Variants in PSME1 observed in about 807,000 individuals in gnomAD.
The protein encoded by PSME1 is proteasome activator complex subunit 1.
PSME1 carries 15 observed loss-of-function variants against 38.4 expected under a neutral mutation model. That is an observed-to-expected ratio of 0.39 (90% confidence interval 0.26 to 0.60). PSME1 has a LOEUF of 0.60. Among genes scored for constraint, PSME1 ranks in the 20% least tolerant of loss-of-function variants. The pLI, the probability that PSME1 is intolerant of heterozygous loss-of-function variation, is 0.53. For synonymous variants in PSME1, 106 were observed against 106.8 expected, an observed-to-expected ratio of 0.99 and a Z score of 0.05; for missense variants, 249 against 305.6, an observed-to-expected ratio of 0.81 and a Z score of 1.38.
rs2037907814 is a variant in PSME1 at position 24,136,696 on chromosome 14, A to G, written c.40-289A>G. ...TCACACCTGCCAGGCGACCCCAGAG[A>G]TCTGTTCTCACGTGAACACTGGCCC... On this transcript the variant is annotated intron_variant, in intron 1 of 10. Coordinates refer to ENST00000206451, the MANE Select transcript of PSME1 (RefSeq NM_006263.4). The surrounding 1 kb of genome is among the most constrained non-coding windows in gnomAD (Gnocchi z 4.8). 6.6e-6 allele frequency among the ~76,000 whole-genome samples: 1 copy of G among 151,838 alleles called. No homozygotes were observed. The highest frequency in any genetic ancestry group is 1.5e-5 in the Non-Finnish European group (1 of 67,922).
Position 24,137,028 on chromosome 14 carries a change from C to T in PSME1, c.72+11C>T, listed in dbSNP as rs768386364. 101 of 1,614,024 alleles carry T rather than the reference C, an allele frequency of 6.3e-5. No individual in the cohort carries two copies. The highest frequency in any genetic ancestry group is 8.3e-5 in the Non-Finnish European group (98 of 1,180,016). On this transcript the variant is annotated intron_variant, in intron 2 of 10. Coordinates refer to ENST00000206451, the MANE Select transcript of PSME1 (RefSeq NM_006263.4). ...GACCTCTGTACCAAGGTAAGACATG[C>T]CCCATCAGCGTGGCCCCACCCCTGC...
chr14:24,137,010 G>A lies in PSME1; in HGVS notation c.65G>A (p.Cys22Tyr), dbSNP rs755462497. Residue 22 changes from cysteine to tyrosine, a missense_variant, in exon 2 of 11, where the codon TGT becomes TAT. Cys to Tyr is a radical substitution (Grantham distance 194). Transcript: ENST00000206451. ...AKVDVFREDLCTKTENLLGSY... is the reference protein window; with the variant it reads ...AKVDVFREDLYTKTENLLGSY... ...GTGGATGTGTTTCGTGAAGACCTCTGTACCAAGGTAAGACATGCCCCATCA... is the reference window on the plus strand; with the variant it reads ...GTGGATGTGTTTCGTGAAGACCTCTATACCAAGGTAAGACATGCCCCATCA... 1.2e-5 allele frequency: 19 copies of A among 1,614,150 alleles called. No individual in the cohort carries two copies. The highest frequency in any genetic ancestry group is 1.2e-5 in the Non-Finnish European group (14 of 1,180,012).
chr14:24,137,808 C>T lies in PSME1; in HGVS notation c.390+11C>T. 1 of 1,611,746 alleles carries T rather than the reference C, an allele frequency of 6.2e-7. No individual in the cohort carries two copies. The highest frequency in any genetic ancestry group is 8.5e-7 in the Non-Finnish European group (1 of 1,177,830). ...GAGCAGCTCAACCTGGTAAGCCCTC[C>T]CCCTTAAACTCTCAGGCTTCAAGTC... On this transcript the variant is annotated intron_variant, in intron 6 of 10. Transcript: ENST00000206451.
At position 24,136,930 on chromosome 14, in the gene PSME1, C is replaced by T; in HGVS notation, c.40-55C>T. 2 of 1,610,924 alleles carry T rather than the reference C, an allele frequency of 1.2e-6. No homozygotes were observed. Among genetic ancestry groups the T allele is most frequent in the East Asian group, 2.2e-5 (1 of 44,870 alleles). ...CCTACATAACCCTAAGGGAACTGTC[C>T]TCAAATGAACTGGCCTTAAAGCCAA... On this transcript the variant is annotated intron_variant, in intron 1 of 10. Coordinates refer to ENST00000206451, the MANE Select transcript of PSME1 (RefSeq NM_006263.4). This position sits in a 1 kb window ranked among gnomAD's most constrained non-coding sequence, Gnocchi z 4.8.
chr14:24,136,971 C>T lies in PSME1; in HGVS notation c.40-14C>T, dbSNP rs776435873. ...TTAAAGCCAAGTTTCTGAAGGGATG[C>T]GTGTGCCCCACAGGTGGATGTGTTT... is the stretch of plus-strand genomic sequence containing the variant. On this transcript the variant is annotated splice_polypyrimidine_tract_variant and intron_variant, in intron 1 of 10. Transcript: ENST00000206451. This position sits in a 1 kb window ranked among gnomAD's most constrained non-coding sequence, Gnocchi z 4.8. 1.1e-5 allele frequency: 17 copies of T among 1,614,142 alleles called. No individual in the cohort carries two copies. Among genetic ancestry groups the T allele is most frequent in the South Asian group, 5.5e-5 (5 of 91,080 alleles).
chr14:24,137,021 A>G lies in PSME1; in HGVS notation c.72+4A>G, dbSNP rs2037914628. Reference sequence around the variant, plus strand: ...TCGTGAAGACCTCTGTACCAAGGTAAGACATGCCCCATCAGCGTGGCCCCA... The same window carrying G: ...TCGTGAAGACCTCTGTACCAAGGTAGGACATGCCCCATCAGCGTGGCCCCA... On this transcript the variant is annotated splice_donor_region_variant and intron_variant, in intron 2 of 10. Coordinates refer to ENST00000206451, the MANE Select transcript of PSME1 (RefSeq NM_006263.4). The G allele has an allele frequency of 6.2e-7, 1 of 1,614,166 alleles. No individual in the cohort carries two copies.
In PSME1 at chr14:24,137,245, G is replaced by A. The variant is rs1393314281; in HGVS notation, c.135+40G>A. On this transcript the variant is annotated intron_variant, in intron 3 of 10. Transcript: ENST00000206451. ...CAGGGAGCTAGGGAGTAAAGGCCAAGAGAAGAGTCTGGAGGCTGTGAGAGT... is the reference window on the plus strand; with the variant it reads ...CAGGGAGCTAGGGAGTAAAGGCCAAAAGAAGAGTCTGGAGGCTGTGAGAGT... 2.5e-6 allele frequency: 4 copies of A among 1,612,030 alleles called. No individual in the cohort carries two copies. In the East Asian group the frequency reaches 8.9e-5, roughly 36 times the overall value.
In PSME1 at chr14:24,137,150, A is replaced by G. The variant is rs1252958897; in HGVS notation, c.80A>G (p.Asn27Ser). 3.1e-6 allele frequency: 5 copies of G among 1,613,992 alleles called. No individual in the cohort carries two copies. Among genetic ancestry groups the G allele is most frequent in the Admixed American group, 1.7e-5 (1 of 59,996 alleles). ...FREDLCTKTE[N>S]LLGSYFPKKI... ...CCCCCACCTCACACACAGACAGAGA[A>G]CCTGCTCGGGAGCTATTTCCCCAAG... The change falls in exon 3 of 11, where the codon AAC (asparagine) becomes AGC (serine). Residue 27 changes from asparagine (N) to serine (S), a missense_variant. Asn to Ser is a conservative substitution (Grantham distance 46, BLOSUM62 1). Transcript: ENST00000206451.
In PSME1 at chr14:24,138,855, C is replaced by A. The variant is rs770225004; in HGVS notation, c.*39C>A. On this transcript the variant is annotated 3_prime_UTR_variant, in exon 11 of 11. Coordinates refer to ENST00000206451, the MANE Select transcript of PSME1 (RefSeq NM_006263.4). ...CATTCTGTGATGAGTACAGCAGAGA[C>A]CTTCCTGCTTTTTACTGGGGACTCC... is the stretch of plus-strand genomic sequence containing the variant. 2 of 1,600,158 alleles carry A rather than the reference C, an allele frequency of 1.2e-6. No individual in the cohort carries two copies. The highest frequency in any genetic ancestry group is 1.7e-6 in the Non-Finnish European group (2 of 1,170,490).
In PSME1 at chr14:24,137,510, CT is replaced by C; in HGVS notation, c.247-7del. The C allele has an allele frequency of 6.2e-7, 1 of 1,613,808 alleles. No individual in the cohort carries two copies. Among genetic ancestry groups the C allele is most frequent in the Non-Finnish European group, 8.5e-7 (1 of 1,180,034 alleles). ...AGTCCTGACTCTCATGAGCTCCTCT[CT>C]TTCTGCAGAAGGAAGACAAGGATGA... On this transcript the variant is annotated splice_polypyrimidine_tract_variant and intron_variant, in intron 4 of 10. Coordinates refer to ENST00000206451, the MANE Select transcript of PSME1 (RefSeq NM_006263.4).
Position 24,137,433 on chromosome 14 carries a change from C to T in PSME1, c.246+2C>T. ...GAGGAGCGGAAGAAACAGCAGGAGG[C>T]AAGCTGGGAAGACCTGGGAGAAGGG... On this transcript the variant is annotated splice_donor_variant, in intron 4 of 10. Coordinates refer to ENST00000206451, the MANE Select transcript of PSME1 (RefSeq NM_006263.4). LOFTEE classifies it low-confidence loss of function (GC_TO_GT_DONOR). 1 of 1,614,114 alleles carries T rather than the reference C, an allele frequency of 6.2e-7. No homozygotes were observed. The highest frequency in any genetic ancestry group is 8.5e-7 in the Non-Finnish European group (1 of 1,179,976).
rs369790001 is a variant in PSME1, at chr14:24,136,329, C to A, written c.39+28C>A. 3 of 1,506,730 alleles carry A rather than the reference C, an allele frequency of 2.0e-6. No homozygotes were observed. The African/African-American group carries it at 4.4e-5, about 22-fold the overall frequency. The allele number at this position is 1,506,730 out of a possible 1,614,324, so 93.3% of individuals were successfully genotyped here. On this transcript the variant is annotated intron_variant, in intron 1 of 10. Coordinates refer to ENST00000206451, the MANE Select transcript of PSME1 (RefSeq NM_006263.4). This position sits in a 1 kb window ranked among gnomAD's most constrained non-coding sequence, Gnocchi z 4.8. ...GAGCGCCGCGGGGTCTAGAAAGGGC[C>A]CACTGGGGAGGCGTGGCTGGAGCGG...
rs144096780 is a variant in PSME1, at chr14:24,137,415, G to A, written c.230G>A (p.Arg77Gln). 16 of 1,614,032 alleles carry A rather than the reference G, an allele frequency of 9.9e-6. No homozygotes were observed. The highest frequency in any genetic ancestry group is 9.3e-5 in the African/African-American group (7 of 74,900). The change falls in exon 4 of 11, where the codon CGG becomes CAG. Residue 77 changes from arginine to glutamine, a missense_variant. Transcript: ENST00000206451. Reference protein sequence around the residue: ...DPVKEKEKEERKKQQEKEDKD... With the variant: ...DPVKEKEKEEQKKQQEKEDKD... Reference sequence around the variant, plus strand: ...GTCAAGGAGAAAGAGAAAGAGGAGCGGAAGAAACAGCAGGAGGCAAGCTGG... The same window carrying A: ...GTCAAGGAGAAAGAGAAAGAGGAGCAGAAGAAACAGCAGGAGGCAAGCTGG...
In PSME1 at chr14:24,138,056, C is replaced by G; in HGVS notation, c.398C>G (p.Thr133Ser). 6.2e-7 allele frequency: 1 copy of G among 1,614,222 alleles called. No homozygotes were observed. The part of the protein sequence containing the change: ...DVIEQLNLVT[T>S]WLQLQIPRIE... The stretch of plus-strand genomic sequence containing the variant: ...GCCATTCCCTCTTCCCAGGTCACCA[C>G]CTGGTTGCAGCTGCAGATACCTCGG... The change falls in exon 7 of 11, where the codon ACC becomes AGC. Residue 133 changes from threonine (T) to serine (S), a missense_variant. By Grantham distance (58) the Thr-to-Ser change is moderately conservative. Coordinates refer to ENST00000206451, the MANE Select transcript of PSME1 (RefSeq NM_006263.4).
At chr14:24,137,461 C>T in intron 4 of PSME1, 30 bp downstream of exon 4, 1 of 1,613,848 alleles carries the variant, frequency 6.2e-7, no homozygotes, top group East Asian at 2.2e-5. Flanking sequence ...GAGAAGGGAT[C>T]CAACTATGGG....
At chr14:24,137,231 G>A in intron 3 of PSME1, 26 bp downstream of exon 3, 1 of 1,613,154 alleles carries the variant, frequency 6.2e-7, no homozygotes. Context: ...AGGGAGCTAG[G>A]GAGTAAAGGC....
chr14:24,138,511 C>T lies in PSME1; in HGVS notation c.620C>T (p.Ala207Val). The T allele has an allele frequency of 6.2e-7, 1 of 1,614,016 alleles. No individual in the cohort carries two copies. Among genetic ancestry groups the T allele is most frequent in the East Asian group, 2.2e-5 (1 of 44,886 alleles). Reference protein sequence around the residue: ...YRQLVHELDEAEYRDIRLMVM... With the variant: ...YRQLVHELDEVEYRDIRLMVM... Reference sequence around the variant, plus strand: ...CAGCTGGTGCACGAGCTGGATGAGGCAGAGTACCGGGACATCCGGCTGATG... The same window carrying T: ...CAGCTGGTGCACGAGCTGGATGAGGTAGAGTACCGGGACATCCGGCTGATG... The change falls in exon 10 of 11, where the codon GCA (alanine) becomes GTA (valine). Residue 207 changes from alanine to valine, a missense_variant. Ala to Val is a moderately conservative substitution (Grantham distance 64). Transcript: ENST00000206451.
rs2037955011 is a variant in PSME1, at chr14:24,138,397, G to A, written c.580G>A (p.Val194Met). 2 of 1,614,190 alleles carry A rather than the reference G, an allele frequency of 1.2e-6. No homozygotes were observed. The part of the protein sequence containing the change: ...AVTKAAKQPH[V>M]GDYRQLVHEL... ...GACTAAAGCAGCCAAGCAGCCCCAT[G>A]TGGTAGGTGAGGCCCAGGTCAGGGT... The change falls in exon 9 of 11, where the codon GTG (valine) becomes ATG (methionine). Residue 194 changes from valine (V) to methionine (M), a missense_variant and splice_region_variant. Coordinates refer to ENST00000206451, the MANE Select transcript of PSME1 (RefSeq NM_006263.4).
chr14:24,136,574 G>A lies in PSME1; in HGVS notation c.39+273G>A, dbSNP rs544347085. 1.2e-4 allele frequency among the ~76,000 whole-genome samples: 18 copies of A among 152,254 alleles called. No individual in the cohort carries two copies. The highest frequency in any genetic ancestry group is 5.9e-4 in the Admixed American group (9 of 15,304). On this transcript the variant is annotated intron_variant, in intron 1 of 10. Coordinates refer to ENST00000206451, the MANE Select transcript of PSME1 (RefSeq NM_006263.4). This position sits in a 1 kb window ranked among gnomAD's most constrained non-coding sequence, Gnocchi z 4.8. ...CCGGGGCCACACACAGACTGGGTGCGGGACTGCCCCAGCTACCTTCTGGCC... is the reference window on the plus strand; with the variant it reads ...CCGGGGCCACACACAGACTGGGTGCAGGACTGCCCCAGCTACCTTCTGGCC...
Sources: allele counts gnomAD v4.1 joint callset (sites outside exome capture counted in the v4.1 genomes callset), GRCh38; gene constraint gnomAD v4.1.1; non-coding constraint Gnocchi (gnomAD v3.1); transcripts MANE v1.5; gene names NCBI Gene and HGNC (gene_info 2026-07-23, HGNC 2026-07-21).